Variants in ANP32A observed in about 807,000 individuals in gnomAD.
ANP32A encodes the protein acidic nuclear phosphoprotein 32 family member A, also known as acidic leucine-rich nuclear phosphoprotein 32 family member A.
In ANP32A, 1 loss-of-function variant was observed where a neutral mutation model predicts 33.9. The ratio of observed to expected loss-of-function variants is 0.03; its 90% CI spans 0.01 to 0.14. The LOEUF (loss-of-function observed/expected upper bound fraction) is 0.14. Ranked by LOEUF, ANP32A falls within the 10% of genes least tolerant of loss-of-function variation. The pLI is 1.00. For synonymous variants in ANP32A, 115 were observed against 120.5 expected (o/e 0.95, Z 0.30); for missense variants, 155 against 306.0 (o/e 0.51, Z 3.68).
Position 68,778,948 on chromosome 15 carries a change from A to G in ANP32A, c.*1133T>C, listed in dbSNP as rs1893828227. Reference sequence around the variant, plus strand: ...ATTGAAATTTATCAATGACAAACAGACATAAAACTCAAAGTTTGGCTCTTC... The same window carrying G: ...ATTGAAATTTATCAATGACAAACAGGCATAAAACTCAAAGTTTGGCTCTTC... On this transcript the variant is annotated 3_prime_UTR_variant, in exon 7 of 7. Transcript: ENST00000465139. 1 of 152,186 alleles carries G rather than the reference A, an allele frequency of 6.6e-6. No homozygotes were observed. Among genetic ancestry groups the G allele is most frequent in the South Asian group, 2.1e-4 (1 of 4,834 alleles). 9.4% of individuals were successfully genotyped at this position (152,186 alleles called of 1,614,324 possible). A position where few individuals can be genotyped will look rare whatever the true frequency, so the allele number is the denominator to read the frequency against.
At chr15:68,782,038 C>CG (rs1243689516) in intron 5 of ANP32A, among the ~76,000 whole-genome samples, 4 of 152,162 alleles carry the variant, frequency 2.6e-5, no homozygotes, top group African/African-American at 4.8e-5. Context: ...CAGGAAACTG[C>CG]GGGGGGAGTT....
chr15:68,793,126 C>A (rs1894018556), intron 1 of ANP32A, among the ~76,000 whole-genome samples: 1 of 152,146 alleles, frequency 6.6e-6, no homozygotes, highest in Admixed American at 6.5e-5. Context: ...TATTAAGCAT[C>A]CGATCCTCCT....
intron 1 of ANP32A, among the ~76,000 whole-genome samples, chr15:68,817,973 C>T (rs1414816121): frequency 6.6e-6 from 1 of 152,228 alleles, no homozygotes; most frequent in East Asian, 1.9e-4. Flanking sequence ...CTGGAGGCGG[C>T]TCCTGCCCCC....
chr15:68,797,037 G>A (rs1470087241), intron 1 of ANP32A, among the ~76,000 whole-genome samples: 1 of 152,164 alleles, frequency 6.6e-6, no homozygotes, highest in African/African-American at 2.4e-5. Flanking sequence ...TGGGTAATAA[G>A]TGAAATGGGA....
chr15:68,790,548 T>G lies in ANP32A; in HGVS notation c.55-2629A>C, dbSNP rs74407955. Reference sequence around the variant, plus strand: ...AAGCAATCACTATTAATGCTTTGATTAAAAATAATCGTCATATCTTTCTCA... The same window carrying G: ...AAGCAATCACTATTAATGCTTTGATGAAAAATAATCGTCATATCTTTCTCA... On this transcript the variant is annotated intron_variant, in intron 1 of 6. Coordinates refer to ENST00000465139, the MANE Select transcript of ANP32A (RefSeq NM_006305.4). 2.8e-3 allele frequency: 430 copies of G among 152,348 alleles called. 3 individuals carry two copies. The highest frequency in any genetic ancestry group is 1.0e-2 in the African/African-American group (414 of 41,568). 9.4% of individuals were successfully genotyped at this position (152,348 alleles called of 1,614,324 possible).
intron 1 of ANP32A, among the ~76,000 whole-genome samples, chr15:68,809,403 T>G (rs141613048): frequency 1.3e-5 from 2 of 152,248 alleles, no homozygotes; most frequent in Non-Finnish European, 2.9e-5. Flanking sequence ...TAGTCTCTTA[T>G]GTGGACTGCC....
chr15:68,782,683 T>C lies in ANP32A; in HGVS notation c.624+273A>G, dbSNP rs189864980. Reference sequence around the variant, plus strand: ...GCCATGCATTCTGTACTTCTTCACATAGAAACAACGGCCAGGCTTACCCCA... The same window carrying C: ...GCCATGCATTCTGTACTTCTTCACACAGAAACAACGGCCAGGCTTACCCCA... On this transcript the variant is annotated intron_variant, in intron 5 of 6. Coordinates refer to ENST00000465139, the MANE Select transcript of ANP32A (RefSeq NM_006305.4). The C allele has an allele frequency of 9.2e-5, 45 of 486,664 alleles. No individual in the cohort carries two copies. The East Asian group carries it at 1.1e-3, about 12-fold the overall frequency. 30.1% of individuals were successfully genotyped at this position (486,664 alleles called of 1,614,324 possible). A position where few individuals can be genotyped will look rare whatever the true frequency, so the allele number is the denominator to read the frequency against.
At chr15:68,818,267 G>A (rs1401456756) in intron 1 of ANP32A, 2 of 275,542 alleles carry the variant, frequency 7.3e-6, no homozygotes, top group Non-Finnish European at 1.5e-5. Context: ...CTATTTCGGC[G>A]TCGCGGCATG....
intron 1 of ANP32A, among the ~76,000 whole-genome samples, chr15:68,805,339 G>A (rs935405627): frequency 3.3e-5 from 5 of 152,210 alleles, no homozygotes; most frequent in African/African-American, 9.6e-5. Context: ...GCAGTCAGCC[G>A]TTGCCTTACC....
chr15:68,807,277 G>A (rs574804021), intron 1 of ANP32A, among the ~76,000 whole-genome samples: 10 of 150,296 alleles, frequency 6.7e-5, no homozygotes, highest in Admixed American at 1.3e-4. Flanking sequence ...TGCAGCCAGA[G>A]GGGAGTTTAA....
At chr15:68,797,930 G>A (rs1195236030) in intron 1 of ANP32A, among the ~76,000 whole-genome samples, 3 of 151,340 alleles carry the variant, frequency 2.0e-5, no homozygotes, top group Non-Finnish European at 4.4e-5. Flanking sequence ...CAGGCTAGGG[G>A]AGGGGTGGGG....
chr15:68,820,674 G>T (rs750627854), intron 1 of ANP32A, 24 bp downstream of exon 1: 2 of 1,561,810 alleles, frequency 1.3e-6, no homozygotes, highest in Non-Finnish European at 1.7e-6. Flanking sequence ...TGGACCGACA[G>T]AGATATTTTT....
chr15:68,804,850 C>A (rs1328261542), intron 1 of ANP32A, among the ~76,000 whole-genome samples: 1 of 152,230 alleles, frequency 6.6e-6, no homozygotes, highest in African/African-American at 2.4e-5. Flanking sequence ...AAACAGTGGG[C>A]ATGAAATTAT....
intron 1 of ANP32A, among the ~76,000 whole-genome samples, chr15:68,792,939 C>T (rs947871738): frequency 5.9e-5 from 9 of 152,180 alleles, no homozygotes; most frequent in African/African-American, 2.2e-4. Flanking sequence ...AGTTCCTACA[C>T]ATGACCTCCA....
rs538671256 is a variant in ANP32A, at chr15:68,779,836, C to A, written c.*245G>T. 4.9e-5 allele frequency: 25 copies of A among 513,080 alleles called. 1 individual carries two copies. Among genetic ancestry groups the A allele is most frequent in the African/African-American group, 4.0e-4 (21 of 52,032 alleles). 31.8% of individuals were successfully genotyped at this position (513,080 alleles called of 1,614,324 possible). A position where few individuals can be genotyped will look rare whatever the true frequency, so the allele number is the denominator to read the frequency against. On this transcript the variant is annotated 3_prime_UTR_variant, in exon 7 of 7. Coordinates refer to ENST00000465139, the MANE Select transcript of ANP32A (RefSeq NM_006305.4). ...CTATCGCATTTACAGGGACAAAAAC[C>A]GGACACAAAGAAAAAGTAGGGGAAA... is the stretch of plus-strand genomic sequence containing the variant.
chr15:68,785,052 G>C (rs945182673), intron 3 of ANP32A, among the ~76,000 whole-genome samples: 2 of 152,084 alleles, frequency 1.3e-5, no homozygotes, highest in African/African-American at 4.8e-5. Context: ...CGGTTAACAT[G>C]GCACTTCATG....
At chr15:68,817,161 G>C (rs1894393628) in intron 1 of ANP32A, among the ~76,000 whole-genome samples, 1 of 152,226 alleles carries the variant, frequency 6.6e-6, no homozygotes, top group Non-Finnish European at 1.5e-5. Flanking sequence ...GACCCGACGC[G>C]ACGAATTGCC....
chr15:68,800,706 TGCGCTCC>T (rs1272778517), intron 1 of ANP32A, among the ~76,000 whole-genome samples: 28 of 3,206 alleles, frequency 8.7e-3, no homozygotes, highest in African/African-American at 0.014. Flanking sequence ...ATCCCGCCAC[TGCGCTCC>T]AGCCTGGGCG....
intron 1 of ANP32A, among the ~76,000 whole-genome samples, chr15:68,814,304 A>G (rs894168594): frequency 2.0e-5 from 3 of 152,144 alleles, no homozygotes; most frequent in Admixed American, 2.0e-4. Context: ...TCACACCTGT[A>G]ATCCCAGCGC....
Sources: gnomAD v4.1 joint callset for allele counts (sites outside exome capture counted in the v4.1 genomes callset) on GRCh38, gnomAD v4.1.1 for gene constraint, MANE v1.5 for transcripts, NCBI Gene and HGNC (gene_info 2026-07-23, HGNC 2026-07-21) for gene names.